RAB8B: variants seen among roughly 807,000 people sequenced by gnomAD.
RAB8B encodes ras-related protein Rab-8B.
Under a neutral mutation model 32.0 loss-of-function variants are expected in RAB8B, and 11 were observed. The ratio of observed to expected loss-of-function variants is 0.34; its 90% CI spans 0.22 to 0.57. The LOEUF (loss-of-function observed/expected upper bound fraction) is 0.57. Among genes scored for constraint, RAB8B ranks in the 20% least tolerant of loss-of-function variants. The probability of loss-of-function intolerance (pLI) is 0.86; values close to 1 mark genes in which losing one functional copy is unlikely to be tolerated. For synonymous variants in RAB8B, 103 were observed against 89.6 expected (o/e 1.15, Z -0.85); for missense variants, 190 against 258.5 (o/e 0.73, Z 1.82).
chr15:63,251,164 A>G (rs2038114192), intron 3 of RAB8B: 3 of 417,280 alleles, frequency 7.2e-6, no homozygotes, highest in Non-Finnish European at 1.4e-5. Context: ...GTGAAGGGTC[A>G]TCATTTTAAT....
At chr15:63,246,690 C>T (rs1258499941) in intron 2 of RAB8B, among the ~76,000 whole-genome samples, 1 of 152,128 alleles carries the variant, frequency 6.6e-6, no homozygotes. Context: ...CCTTATATAG[C>T]CATGATTGAT....
At chr15:63,202,293 A>G (rs550547181) in intron 1 of RAB8B, among the ~76,000 whole-genome samples, 1 of 152,120 alleles carries the variant, frequency 6.6e-6, no homozygotes, top group South Asian at 2.1e-4. Context: ...GAAAAAAGAA[A>G]AAAAAGAACT....
chr15:63,193,448 G>A (rs1026796460), intron 1 of RAB8B, among the ~76,000 whole-genome samples: 4 of 152,182 alleles, frequency 2.6e-5, no homozygotes, highest in Non-Finnish European at 5.9e-5. Flanking sequence ...GGACCAACTC[G>A]CCTTTCACTC....
intron 1 of RAB8B, among the ~76,000 whole-genome samples, chr15:63,208,667 T>G (rs1323761709): frequency 6.6e-6 from 1 of 152,210 alleles, no homozygotes; most frequent in Non-Finnish European, 1.5e-5. Flanking sequence ...ACACCTCATT[T>G]CGGCCTGTTG....
intron 5 of RAB8B, 93 bp downstream of exon 5, chr15:63,256,687 CTG>C: frequency 1.0e-6 from 1 of 970,384 alleles, no homozygotes; most frequent in Non-Finnish European, 1.5e-6. Context: ...TTTTTAAAAT[CTG>C]TGTTTTAATC....
intron 1 of RAB8B, among the ~76,000 whole-genome samples, chr15:63,207,674 C>G: frequency 6.6e-6 from 1 of 152,060 alleles, no homozygotes; most frequent in East Asian, 1.9e-4. Flanking sequence ...ATTCCCTTGC[C>G]TCAGCCTCTC....
chr15:63,256,057 T>C (rs2038156676), intron 4 of RAB8B, among the ~76,000 whole-genome samples: 1 of 152,234 alleles, frequency 6.6e-6, no homozygotes, highest in South Asian at 2.1e-4. Context: ...ATAATTGGTA[T>C]TAAGATTTTT....
intron 2 of RAB8B, among the ~76,000 whole-genome samples, chr15:63,245,902 C>T (rs185181816): frequency 2.6e-5 from 4 of 152,050 alleles, no homozygotes; most frequent in East Asian, 3.9e-4. Context: ...GACAGAGTTT[C>T]GCTCTTGTTG....
intron 1 of RAB8B, among the ~76,000 whole-genome samples, chr15:63,193,016 A>G (rs2037571111): frequency 6.6e-6 from 1 of 152,160 alleles, no homozygotes; most frequent in Non-Finnish European, 1.5e-5. Context: ...TGAGGCCAGG[A>G]GTTTGACACC....
At chr15:63,214,286 C>CTTTTTTTTTTTTTTT (rs34415858) in intron 1 of RAB8B, among the ~76,000 whole-genome samples, 1 of 95,652 alleles carries the variant, frequency 1.0e-5, no homozygotes. Flanking sequence ...CAGTTTCTTT[C>CTTTTTTTTTTTTTTT]TTTTTTTTTT....
chr15:63,228,005 C>T (rs936985295), intron 1 of RAB8B, among the ~76,000 whole-genome samples: 3 of 144,752 alleles, frequency 2.1e-5, no homozygotes, highest in Non-Finnish European at 4.5e-5. Context: ...CTTTCCTTTT[C>T]TTCCTTTCCT....
At chr15:63,220,435 C>T (rs8034636) in intron 1 of RAB8B, among the ~76,000 whole-genome samples, 145,728 of 152,198 alleles carry the variant, frequency 0.96, 69,811 homozygotes, top group East Asian at 1. Flanking sequence ...AGTCAATTTA[C>T]TGTGTACAGA....
chr15:63,195,613 T>A (rs1256067048), intron 1 of RAB8B, among the ~76,000 whole-genome samples: 4 of 152,224 alleles, frequency 2.6e-5, no homozygotes, highest in Non-Finnish European at 1.5e-5. Context: ...AATAACTGAA[T>A]CTGAAAAGAA....
At chr15:63,230,693 CTTATTA>C (rs1170291952) in intron 1 of RAB8B, among the ~76,000 whole-genome samples, 2 of 152,014 alleles carry the variant, frequency 1.3e-5, no homozygotes, top group South Asian at 2.1e-4. Flanking sequence ...GATTTTACTA[CTTATTA>C]TTATTATTAT....
intron 1 of RAB8B, among the ~76,000 whole-genome samples, chr15:63,207,707 G>A (rs755123828): frequency 3.3e-5 from 5 of 151,804 alleles, no homozygotes; most frequent in African/African-American, 1.2e-4. Context: ...CTACAGGTGC[G>A]TGCCACCACA....
At chr15:63,219,280 G>A (rs1162769332) in intron 1 of RAB8B, among the ~76,000 whole-genome samples, 1 of 148,346 alleles carries the variant, frequency 6.7e-6, no homozygotes, top group Non-Finnish European at 1.5e-5. Flanking sequence ...CCTGGCAAAG[G>A]AGCGAGACTC....
At chr15:63,203,214 T>C (rs2037667890) in intron 1 of RAB8B, among the ~76,000 whole-genome samples, 1 of 152,192 alleles carries the variant, frequency 6.6e-6, no homozygotes, top group Non-Finnish European at 1.5e-5. Flanking sequence ...AAAGTCTCTG[T>C]CCAAACTCTG....
intron 1 of RAB8B, among the ~76,000 whole-genome samples, chr15:63,233,347 AGC>A (rs1455425615): frequency 6.6e-6 from 1 of 152,124 alleles, no homozygotes; most frequent in Non-Finnish European, 1.5e-5. Flanking sequence ...TACAGGCATT[AGC>A]CACTGTTCCC....
At chr15:63,201,748 T>C (rs2037652566) in intron 1 of RAB8B, among the ~76,000 whole-genome samples, 1 of 152,176 alleles carries the variant, frequency 6.6e-6, no homozygotes, top group Non-Finnish European at 1.5e-5. Flanking sequence ...GATATCTCCT[T>C]GTTGTAGACA....
Sources: allele counts gnomAD v4.1 joint callset (sites outside exome capture counted in the v4.1 genomes callset), GRCh38; gene constraint gnomAD v4.1.1; transcripts MANE v1.5; gene names NCBI Gene and HGNC (gene_info 2026-07-23, HGNC 2026-07-21).